AKAP9: variants seen among roughly 807,000 people sequenced by gnomAD.
AKAP9 encodes A-kinase anchoring protein 9.
Under a neutral mutation model 488.5 loss-of-function variants are expected in AKAP9, and 311 were observed. The ratio of observed to expected loss-of-function variants is 0.64; its 90% CI spans 0.58 to 0.70. The LOEUF (loss-of-function observed/expected upper bound fraction) is 0.70. Ranked by LOEUF, AKAP9 falls within the 30% of genes least tolerant of loss-of-function variation. The pLI, the probability that AKAP9 is intolerant of heterozygous loss-of-function variation, is 0.00. For synonymous variants in AKAP9, 1,462 were observed against 1,483.5 expected (o/e 0.99, Z 0.33); for missense variants, 4,215 against 4,374.5 (o/e 0.96, Z 1.03).
intron 38 of AKAP9, among the ~76,000 whole-genome samples, chr7:92,091,286 G>A (rs941145026): frequency 3.9e-5 from 6 of 151,988 alleles, no homozygotes; most frequent in Non-Finnish European, 4.4e-5. Context: ...TCTCACATTG[G>A]TCATTATAAA....
intron 22 of AKAP9, among the ~76,000 whole-genome samples, chr7:92,054,459 A>G (rs1808452707): frequency 6.6e-6 from 1 of 152,020 alleles, no homozygotes; most frequent in African/African-American, 2.4e-5. Context: ...TTTGTACAGG[A>G]TACTCTGAGA....
At chr7:91,944,828 G>A (rs1353866776) in intron 1 of AKAP9, among the ~76,000 whole-genome samples, 1 of 152,264 alleles carries the variant, frequency 6.6e-6, no homozygotes, top group African/African-American at 2.4e-5. Context: ...GCCTGGAATT[G>A]TAATTGCTAT....
chr7:91,971,560 C>CTTTTTTTTTTTTTTT (rs71107844), intron 1 of AKAP9, among the ~76,000 whole-genome samples: 2 of 68,542 alleles, frequency 2.9e-5, no homozygotes, highest in Non-Finnish European at 5.2e-5. Flanking sequence ...ACATCTATTT[C>CTTTTTTTTTTTTTTT]TTTTTTTTTT....
rs1194862981 is a variant in AKAP9, at chr7:92,099,821, G to A, written c.10848G>A (p.Leu3616=). 1.9e-6 allele frequency: 3 copies of A among 1,614,006 alleles called. No individual in the cohort carries two copies. Among genetic ancestry groups the A allele is most frequent in the Non-Finnish European group, 2.5e-6 (3 of 1,179,956 alleles). ...ACTTAAGGAACATGGTTATGAAGCT[G>A]GAAGAGCAGATCAGGTGGTATCGAC... ...KNDLRNMVMK[L]EEQIRWYRQT... is the part of the protein sequence containing the mutation. The change falls in exon 44 of 50, where the codon CTG becomes CTA. Residue 3616 remains leucine, a synonymous_variant. Transcript: ENST00000356239.
At chr7:91,954,006 C>G (rs1210981448) in intron 1 of AKAP9, among the ~76,000 whole-genome samples, 3 of 151,906 alleles carry the variant, frequency 2.0e-5, no homozygotes, top group Non-Finnish European at 4.4e-5. Context: ...CAAAACAAAA[C>G]AAAACTCGTT....
chr7:91,959,797 C>G lies in AKAP9; in HGVS notation c.49-13914C>G, dbSNP rs552290818. On this transcript the variant is annotated intron_variant, in intron 1 of 49. Transcript: ENST00000356239. Reference sequence around the variant, plus strand: ...GGACTGGTCACTCAATATGTAAAGTCCTGTGGTCTTTTCCATTCCTGATTC... The same window carrying G: ...GGACTGGTCACTCAATATGTAAAGTGCTGTGGTCTTTTCCATTCCTGATTC... 2.6e-5 allele frequency among the ~76,000 whole-genome samples: 4 copies of G among 152,202 alleles called. No individual in the cohort carries two copies. The East Asian group carries it at 7.7e-4, about 29-fold the overall frequency.
rs746568451 is a variant in AKAP9, at chr7:92,084,944, C to T, written c.8832+4C>T. 2 of 1,612,120 alleles carry T rather than the reference C, an allele frequency of 1.2e-6. No individual in the cohort carries two copies. Among genetic ancestry groups the T allele is most frequent in the South Asian group, 1.1e-5 (1 of 90,804 alleles). On this transcript the variant is annotated splice_donor_region_variant and intron_variant, in intron 35 of 49. Coordinates refer to ENST00000356239, the MANE Select transcript of AKAP9 (RefSeq NM_005751.5). ...TTCCTTTCCAAAGAAAATAAAGGTA[C>T]TAAAAGATAGATACCTTTTATTAAC...
At chr7:92,023,736 G>A (rs140976587) in intron 14 of AKAP9, among the ~76,000 whole-genome samples, 156 of 152,208 alleles carry the variant, frequency 1.0e-3, no homozygotes, top group Non-Finnish European at 2.0e-3. Context: ...CCTACATGAT[G>A]AGTACCCATT....
chr7:92,103,339 G>A (rs541392682), intron 46 of AKAP9, among the ~76,000 whole-genome samples: 18 of 141,602 alleles, frequency 1.3e-4, no homozygotes, highest in East Asian at 2.2e-4. Context: ...GCGGTGAGCC[G>A]AGATCGGCGC....
At chr7:92,035,682 C>T (rs1481205230) in intron 16 of AKAP9, among the ~76,000 whole-genome samples, 1 of 152,166 alleles carries the variant, frequency 6.6e-6, no homozygotes, top group Non-Finnish European at 1.5e-5. Context: ...TTTCTTCTTT[C>T]CCATACAAAT....
chr7:92,086,312 G>A lies in AKAP9; in HGVS notation c.9109G>A (p.Glu3037Lys). ...LLALQQVFLE[E>K]RSVLLAAFRT... ...TGCCCTTCAACAAGTTTTCTTAGAAGAGCGTAGTGTTTTACTAGCAGCATT... is the reference window on the plus strand; with the variant it reads ...TGCCCTTCAACAAGTTTTCTTAGAAAAGCGTAGTGTTTTACTAGCAGCATT... Residue 3037 changes from glutamate (E) to lysine (K), a missense_variant, in exon 37 of 50, where the codon GAG becomes AAG. This residue lies in a region of AKAP9 where 1,476 missense variants were observed against 1,477.4 expected (regional missense o/e 1.00). Coordinates refer to ENST00000356239, the MANE Select transcript of AKAP9 (RefSeq NM_005751.5). 1 of 1,614,128 alleles carries A rather than the reference G, an allele frequency of 6.2e-7. No homozygotes were observed. The highest frequency in any genetic ancestry group is 8.5e-7 in the Non-Finnish European group (1 of 1,180,014).
intron 14 of AKAP9, among the ~76,000 whole-genome samples, chr7:92,027,763 C>T (rs1224469874): frequency 6.6e-6 from 1 of 152,200 alleles, no homozygotes; most frequent in Non-Finnish European, 1.5e-5. Context: ...GAAGTGACAG[C>T]CTTTCTGCAG....
chr7:92,060,596 C>T (rs1809598626), intron 22 of AKAP9, among the ~76,000 whole-genome samples: 1 of 152,078 alleles, frequency 6.6e-6, no homozygotes, highest in African/African-American at 2.4e-5. Context: ...TCAGTATGTG[C>T]TATTGGTAAT....
At chr7:91,979,942 A>G (rs535166496) in intron 2 of AKAP9, among the ~76,000 whole-genome samples, 172 of 152,316 alleles carry the variant, frequency 1.1e-3, no homozygotes, top group African/African-American at 3.9e-3. Context: ...AATTATAGGA[A>G]GCAATACTGT....
chr7:91,988,419 A>G (rs1316148881), intron 3 of AKAP9, among the ~76,000 whole-genome samples: 2 of 151,334 alleles, frequency 1.3e-5, no homozygotes, highest in Non-Finnish European at 2.9e-5. Context: ...GCAATGACCT[A>G]ATGATCACAC....
At chr7:91,977,741 C>T (rs1214639407) in intron 2 of AKAP9, among the ~76,000 whole-genome samples, 1 of 152,028 alleles carries the variant, frequency 6.6e-6, no homozygotes, top group Non-Finnish European at 1.5e-5. Flanking sequence ...TGCAGTGTGG[C>T]AACTCTACTG....
At chr7:91,968,761 A>G (rs1794713936) in intron 1 of AKAP9, among the ~76,000 whole-genome samples, 1 of 152,086 alleles carries the variant, frequency 6.6e-6, no homozygotes, top group African/African-American at 2.4e-5. Context: ...TTGCTTTATC[A>G]CATAGATTTT....
chr7:91,959,478 T>A (rs973210019), intron 1 of AKAP9, among the ~76,000 whole-genome samples: 7 of 150,352 alleles, frequency 4.7e-5, no homozygotes, highest in African/African-American at 1.0e-4. Flanking sequence ...AAAAAAAAAA[T>A]TTACTTTTTT....
rs1816910272 is a variant in AKAP9, at chr7:92,098,025, A to G, written c.10608-84A>G. ...AAGGGAGAAGTGATAGGTGAAGTAGAACGTCGCCTGCTCTGTAATGTTTGT... is the reference window on the plus strand; with the variant it reads ...AAGGGAGAAGTGATAGGTGAAGTAGGACGTCGCCTGCTCTGTAATGTTTGT... On this transcript the variant is annotated intron_variant, in intron 42 of 49. Coordinates refer to ENST00000356239, the MANE Select transcript of AKAP9 (RefSeq NM_005751.5). The G allele has an allele frequency of 5.3e-6, 5 of 940,704 alleles. No individual in the cohort carries two copies. In the Admixed American group the frequency reaches 7.7e-5, roughly 15 times the overall value. 58.3% of individuals were successfully genotyped at this position (940,704 alleles called of 1,614,324 possible).
Sources: gnomAD v4.1 joint callset for allele counts (sites outside exome capture counted in the v4.1 genomes callset) on GRCh38, gnomAD v4.1.1 for gene constraint, gnomAD v4.1.1 regional missense constraint, MANE v1.5 for transcripts, NCBI Gene and HGNC (gene_info 2026-07-23, HGNC 2026-07-21) for gene names.